BMP1: variants seen among roughly 807,000 people sequenced by gnomAD.
BMP1 encodes the protein mammalian tolloid protein.
A neutral mutation model predicts 116.8 loss-of-function variants in BMP1; 63 were observed. The ratio of observed to expected loss-of-function variants is 0.54; its 90% CI spans 0.44 to 0.67. The LOEUF is 0.67. Among genes scored for constraint, BMP1 ranks in the 30% least tolerant of loss-of-function variants. The pLI, the probability that BMP1 is intolerant of heterozygous loss-of-function variation, is 0.00. For synonymous variants in BMP1, 536 were observed against 533.4 expected (o/e 1.00, Z -0.07); for missense variants, 1,183 against 1,358.9 (o/e 0.87, Z 2.04).
chr8:22,187,709 C>G (rs61600148), intron 8 of BMP1, among the ~76,000 whole-genome samples: 167 of 152,076 alleles, frequency 1.1e-3, no homozygotes, highest in African/African-American at 3.1e-3. Context: ...GACGCTATTT[C>G]TCTCTAATTC....
At position 22,197,505 on chromosome 8, in the gene BMP1, C is replaced by A; in HGVS notation, c.2107+85C>A. The A allele has an allele frequency of 5.6e-6, 8 of 1,437,518 alleles. No homozygotes were observed. The South Asian group carries it at 1.1e-4, about 20-fold the overall frequency. 89.0% of individuals were successfully genotyped at this position (1,437,518 alleles called of 1,614,324 possible). ...CTCCCTGCCCCTGCACCCCTGTACT[C>A]CCCAGCCCTCCCTGGTGCCAGGCAG... On this transcript the variant is annotated intron_variant, in intron 15 of 19. Transcript: ENST00000306385.
intron 12 of BMP1, 57 bp from the exon 13 acceptor site, chr8:22,195,405 G>C: frequency 6.4e-7 from 1 of 1,555,790 alleles, no homozygotes; most frequent in Non-Finnish European, 8.7e-7. Flanking sequence ...GAGGCTCACA[G>C]CCAGCTTCTT....
chr8:22,178,426 A>C (rs2131852425), intron 6 of BMP1, among the ~76,000 whole-genome samples: 1 of 152,174 alleles, frequency 6.6e-6, no homozygotes, highest in Non-Finnish European at 1.5e-5. Flanking sequence ...AGTAGCTAGG[A>C]TGACAGGCAC....
intron 8 of BMP1, among the ~76,000 whole-genome samples, chr8:22,181,903 C>A (rs1326906312): frequency 6.6e-6 from 1 of 152,144 alleles, no homozygotes; most frequent in Non-Finnish European, 1.5e-5. Context: ...CCTTAAGCCC[C>A]CCAGTTGCTC....
intron 4 of BMP1, 123 bp downstream of exon 4, chr8:22,176,773 G>T: frequency 8.7e-7 from 1 of 1,152,718 alleles, no homozygotes. Flanking sequence ...CCTGCTATGG[G>T]GCATCTACCC....
chr8:22,181,440 A>T (rs562559709), intron 8 of BMP1, among the ~76,000 whole-genome samples: 1 of 152,068 alleles, frequency 6.6e-6, no homozygotes, highest in African/African-American at 2.4e-5. Flanking sequence ...AGGGCCCCCG[A>T]GCCTGTCCGG....
At chr8:22,201,330 G>C (rs909530075) in intron 15 of BMP1, 1 of 1,500,064 alleles carries the variant, frequency 6.7e-7, no homozygotes, top group African/African-American at 1.4e-5. Flanking sequence ...CCCTCTGGCC[G>C]GACAGAACTG....
In BMP1 at chr8:22,207,373, G is replaced by A. The variant is rs151245981; in HGVS notation, c.2432G>A (p.Arg811Gln). 4.8e-5 allele frequency: 78 copies of A among 1,614,200 alleles called. No homozygotes were observed. The African/African-American group carries it at 6.7e-4, about 14-fold the overall frequency. The change falls in exon 18 of 20, where the codon CGA becomes CAA. Residue 811 changes from arginine (R) to glutamine (Q), a missense_variant. Around this residue, in one of 4 missense-constraint regions of BMP1, gnomAD observed 956 missense variants for 1,135.2 expected, o/e 0.84. Transcript: ENST00000306385. The part of the protein sequence containing the change: ...AYDHLEVFDG[R>Q]DAKAPVLGRF... ...GACCACCTAGAGGTGTTCGACGGGC[G>A]AGACGCCAAGGCCCCCGTCCTCGGC...
rs368869242 is a variant in BMP1 at position 22,194,674 on chromosome 8, G to A, written c.1444-50G>A. 4 of 1,594,424 alleles carry A rather than the reference G, an allele frequency of 2.5e-6. No homozygotes were observed. Among genetic ancestry groups the A allele is most frequent in the Middle Eastern group, 1.7e-4 (1 of 5,948 alleles). On this transcript the variant is annotated intron_variant, in intron 11 of 19. Coordinates refer to ENST00000306385, the MANE Select transcript of BMP1 (RefSeq NM_006129.5). This position sits in a 1 kb window ranked among gnomAD's most constrained non-coding sequence, Gnocchi z 4.5. ...TGCCTCTCTTTGGGCTCCCAGGGGTGGGTCTCTGGCAGCCAGAGCCCCTTC... is the reference window on the plus strand; with the variant it reads ...TGCCTCTCTTTGGGCTCCCAGGGGTAGGTCTCTGGCAGCCAGAGCCCCTTC...
intron 8 of BMP1, among the ~76,000 whole-genome samples, chr8:22,185,370 C>T (rs908287793): frequency 6.6e-6 from 1 of 151,596 alleles, no homozygotes; most frequent in African/African-American, 2.4e-5. Flanking sequence ...GAGAATCGCT[C>T]GCTCAAACCC....
chr8:22,173,780 A>AAT, intron 2 of BMP1, 65 bp downstream of exon 2: 1 of 1,358,862 alleles, frequency 7.4e-7, no homozygotes, highest in Non-Finnish European at 1.0e-6. Flanking sequence ...GGAAACAAGG[A>AAT]ATCTCCCTGT....
At position 22,173,689 on chromosome 8, in the gene BMP1, C is replaced by T. The variant is rs932906251; in HGVS notation, c.236C>T (p.Ala79Val). 5.6e-6 allele frequency: 9 copies of T among 1,612,720 alleles called. No homozygotes were observed. Among genetic ancestry groups the T allele is most frequent in the Non-Finnish European group, 6.8e-6 (8 of 1,179,270 alleles). Residue 79 changes from alanine to valine, a missense_variant, in exon 2 of 20, where the codon GCT becomes GTT. By Grantham distance (64) the Ala-to-Val change is moderately conservative (BLOSUM62 0). Transcript: ENST00000306385. The part of the protein sequence containing the change: ...QQAVDLRRHT[A>V]RKSSIKAAVP... The stretch of plus-strand genomic sequence containing the variant: ...GCTGTGGATCTCAGACGGCACACAG[C>T]TCGTAAGTCCTCCATCAAAGCTGCA...
At chr8:22,181,133 G>A (rs532056825) in intron 8 of BMP1, among the ~76,000 whole-genome samples, 1 of 152,216 alleles carries the variant, frequency 6.6e-6, no homozygotes, top group African/African-American at 2.4e-5. Context: ...TTTGCTCTGT[G>A]GGCCTGATTT....
rs375222633 is a variant in BMP1 at position 22,201,185 on chromosome 8, A to G, written c.2108-618A>G. On this transcript the variant is annotated intron_variant, in intron 15 of 19. Coordinates refer to ENST00000306385, the MANE Select transcript of BMP1 (RefSeq NM_006129.5). ...AGCTCAAATTCCGAGTGCAGAAAAG[A>G]AACCGGACCCCCCAGTGAGGCCTGC... The G allele has an allele frequency of 2.7e-5, 43 of 1,612,944 alleles. No individual in the cohort carries two copies. Among genetic ancestry groups the G allele is most frequent in the Non-Finnish European group, 3.6e-5 (42 of 1,179,574 alleles).
intron 8 of BMP1, among the ~76,000 whole-genome samples, chr8:22,184,205 G>A (rs144251965): frequency 4.5e-4 from 68 of 152,320 alleles, no homozygotes; most frequent in African/African-American, 1.5e-3. Context: ...CAGGTGGCAC[G>A]CTACTTACCT....
At chr8:22,195,081 C>T (rs1305859284) in intron 12 of BMP1, among the ~76,000 whole-genome samples, 162 bp downstream of exon 12, 3 of 152,116 alleles carry the variant, frequency 2.0e-5, no homozygotes, top group Admixed American at 2.0e-4. Context: ...AGAAGAGGTC[C>T]CCCAATGTGG....
chr8:22,180,275 C>A, intron 7 of BMP1, 93 bp from the exon 8 acceptor site: 1 of 1,009,482 alleles, frequency 9.9e-7, no homozygotes, highest in Non-Finnish European at 1.5e-6. Flanking sequence ...TTCTCCCCTC[C>A]CCCAGAGGAT....
intron 19 of BMP1, among the ~76,000 whole-genome samples, chr8:22,210,447 C>G (rs1368897380): frequency 1.0e-5 from 1 of 95,560 alleles, no homozygotes. Flanking sequence ...CTCTCTTTCC[C>G]TCTCTCTCTC....
chr8:22,192,728 C>G (rs1828970560), intron 9 of BMP1, among the ~76,000 whole-genome samples: 1 of 152,104 alleles, frequency 6.6e-6, no homozygotes, highest in African/African-American at 2.4e-5. Context: ...GTAAGTGGGT[C>G]AGAAGCACAG....
Sources: gnomAD v4.1 joint callset for allele counts (sites outside exome capture counted in the v4.1 genomes callset) on GRCh38, gnomAD v4.1.1 for gene constraint, gnomAD v4.1.1 regional missense constraint, Gnocchi (gnomAD v3.1) non-coding constraint, MANE v1.5 for transcripts, NCBI Gene and HGNC (gene_info 2026-07-23, HGNC 2026-07-21) for gene names.